The following PCNX2 variants were observed in gnomAD, a reference collection of about 807,000 sequenced individuals.
PCNX2 encodes the protein pecanex 2.
PCNX2 carries 168 observed loss-of-function variants against 223.8 expected under a neutral mutation model. The ratio of observed to expected loss-of-function variants is 0.75; its 90% confidence interval spans 0.66 to 0.85. The LOEUF is 0.85. Ranked by LOEUF, PCNX2 falls within the 40% of genes least tolerant of loss-of-function variation. PCNX2 has a pLI of 0.00. For missense variants in PCNX2, 2,507 were observed against 2,675.5 expected, an observed-to-expected ratio of 0.94 and a Z score of 1.39; for synonymous variants, 1,006 against 1,052.6, an observed-to-expected ratio of 0.96 and a Z score of 0.86.
At chr1:233,046,229 T>C (rs1049856959) in intron 25 of PCNX2, among the ~76,000 whole-genome samples, 5 of 152,216 alleles carry the variant, frequency 3.3e-5, no homozygotes, top group Non-Finnish European at 7.3e-5. Flanking sequence ...CCCATCTATA[T>C]TTTGACTGCC....
At position 233,134,141 on chromosome 1, in the gene PCNX2, C is replaced by CTGGG. The variant is rs549088343; in HGVS notation, c.3837+871_3837+872insCCCA. On this transcript the variant is annotated intron_variant, in intron 21 of 33. Transcript: ENST00000258229. ...GGGGAAAGGTGTTGCTGAAGTCAGT[C>CTGGG]TCCAGAAGAAACCCCGTGGCTGCTG... 4.7e-3 allele frequency among the ~76,000 whole-genome samples: 713 copies of CTGGG among 152,264 alleles called. 1 individual carries two copies. Among genetic ancestry groups the CTGGG allele is most frequent in the Admixed American group, 0.01 (158 of 15,304 alleles).
chr1:233,142,764 T>A (rs185471737), intron 19 of PCNX2, among the ~76,000 whole-genome samples: 11 of 152,262 alleles, frequency 7.2e-5, no homozygotes, highest in Middle Eastern at 3.4e-3. Flanking sequence ...CTGATACTTC[T>A]CAGTCTCTCT....
chr1:233,287,489 A>G (rs1204204315), intron 1 of PCNX2, among the ~76,000 whole-genome samples: 1 of 152,150 alleles, frequency 6.6e-6, no homozygotes, highest in African/African-American at 2.4e-5. Context: ...GTCTCATGAG[A>G]TCTGGTGGTT....
At chr1:232,999,604 C>G (rs1380423278) in intron 30 of PCNX2, 6 of 505,320 alleles carry the variant, frequency 1.2e-5, no homozygotes, top group Non-Finnish European at 2.1e-5. Context: ...CAGGCATGTG[C>G]CAACACACCT....
chr1:233,074,838 C>T (rs990066266), intron 23 of PCNX2, among the ~76,000 whole-genome samples: 1 of 151,868 alleles, frequency 6.6e-6, no homozygotes, highest in African/African-American at 2.4e-5. Flanking sequence ...AAATCATTTG[C>T]CATTAAGGAA....
At chr1:233,312,539 T>C in the PCNX2 span, among the ~76,000 whole-genome samples, 1 of 152,192 alleles carries the variant, frequency 6.6e-6, no homozygotes, top group Non-Finnish European at 1.5e-5. Flanking sequence ...TTTTATGAAA[T>C]ATGAAATAGG....
intron 15 of PCNX2, among the ~76,000 whole-genome samples, chr1:233,191,588 C>A (rs756519994): frequency 1.3e-5 from 2 of 152,148 alleles, no homozygotes; most frequent in Non-Finnish European, 2.9e-5. Context: ...AAGTCATAGA[C>A]CCTGAGGAAT....
At chr1:233,211,915 C>T (rs373544825) in intron 12 of PCNX2, 14 of 637,694 alleles carry the variant, frequency 2.2e-5, no homozygotes, top group Admixed American at 1.3e-4. Flanking sequence ...TCCTAACTTG[C>T]GGAAGGTGTC....
At chr1:233,157,767 T>A (rs1227008382) in intron 19 of PCNX2, among the ~76,000 whole-genome samples, 1 of 152,164 alleles carries the variant, frequency 6.6e-6, no homozygotes, top group Non-Finnish European at 1.5e-5. Context: ...TGGGCTTAAA[T>A]CATCTTTAAA....
In PCNX2 at chr1:233,201,435, A is replaced by G. The variant is rs1207086994; in HGVS notation, c.2864-1171T>C. 2.0e-5 allele frequency: 3 copies of G among 152,234 alleles called. No homozygotes were observed. In the East Asian group the frequency reaches 5.8e-4, roughly 29 times the overall value. The allele number at this position is 152,234 out of a possible 1,614,324, so 9.4% of individuals were successfully genotyped here. A position where few individuals can be genotyped will look rare whatever the true frequency, so the allele number is the denominator to read the frequency against. On this transcript the variant is annotated intron_variant, in intron 13 of 33. Transcript: ENST00000258229. ...ATCATTTCTTTTTCAGTTTCTATCA[A>G]TAGAAAGGAGAGATACAAGAAATAA... is the stretch of plus-strand genomic sequence containing the variant.
chr1:233,027,565 T>G (rs1671125259), intron 25 of PCNX2, among the ~76,000 whole-genome samples: 1 of 152,214 alleles, frequency 6.6e-6, no homozygotes, highest in Non-Finnish European at 1.5e-5. Context: ...CTCTTATCTC[T>G]AAAATTTTCT....
the PCNX2 span, among the ~76,000 whole-genome samples, chr1:233,318,289 A>G: frequency 1.3e-5 from 2 of 152,324 alleles, no homozygotes; most frequent in Admixed American, 6.5e-5. Flanking sequence ...AAGAATTCAC[A>G]TACAGTTTTT....
intron 17 of PCNX2, among the ~76,000 whole-genome samples, chr1:233,164,205 C>T (rs1471529654): frequency 2.0e-5 from 3 of 152,092 alleles, no homozygotes; most frequent in African/African-American, 4.8e-5. Flanking sequence ...AAATGTGCAA[C>T]GTCACTAATC....
In PCNX2 at chr1:233,015,507, T is replaced by C. The variant is rs142058281; in HGVS notation, c.4840-730A>G. ...TGAGGTCAGGAGCTTGAGACCAGCC[T>C]GGCCAACATGGCAAAACCCTGTCTC... On this transcript the variant is annotated intron_variant, in intron 27 of 33. Transcript: ENST00000258229. 5.7e-4 allele frequency among the ~76,000 whole-genome samples: 86 copies of C among 152,196 alleles called. 1 individual carries two copies. In the East Asian group the frequency reaches 0.012, roughly 22 times the overall value.
At chr1:233,115,588 AG>A (rs2102983549) in intron 21 of PCNX2, among the ~76,000 whole-genome samples, 1 of 152,344 alleles carries the variant, frequency 6.6e-6, no homozygotes, top group Non-Finnish European at 1.5e-5. Context: ...CAATAGATTA[AG>A]GGCATAGCAA....
intron 24 of PCNX2, among the ~76,000 whole-genome samples, chr1:233,055,981 A>G (rs1323811871): frequency 6.6e-6 from 1 of 152,198 alleles, no homozygotes; most frequent in Non-Finnish European, 1.5e-5. Context: ...AATTATGAGT[A>G]TCTTTGCTGG....
chr1:232,998,495 A>C, intron 31 of PCNX2, 57 bp from the exon 32 acceptor site: 1 of 1,571,826 alleles, frequency 6.4e-7, no homozygotes, highest in South Asian at 1.1e-5. Context: ...AATCCCCCTA[A>C]ATGCACCACC....
intron 23 of PCNX2, chr1:233,087,079 G>A: frequency 1.0e-6 from 1 of 985,350 alleles, no homozygotes; most frequent in Non-Finnish European, 1.2e-6. Context: ...TTCAGGACCG[G>A]CCAGTTCAGG....
At chr1:233,280,643 T>A (rs1264109327) in intron 1 of PCNX2, among the ~76,000 whole-genome samples, 1 of 152,158 alleles carries the variant, frequency 6.6e-6, no homozygotes, top group Non-Finnish European at 1.5e-5. Context: ...GTAAAAATGG[T>A]AAGTCTTATG....
Sources: allele counts gnomAD v4.1 joint callset (sites outside exome capture counted in the v4.1 genomes callset), GRCh38; gene constraint gnomAD v4.1.1; transcripts MANE v1.5; gene names NCBI Gene and HGNC (gene_info 2026-07-23, HGNC 2026-07-21).